The following RAB44 variants were observed in gnomAD, a reference collection of about 807,000 sequenced individuals.
RAB44 encodes RAB44, member RAS oncogene family.
Under a neutral mutation model 93.3 loss-of-function variants are expected in RAB44, and 67 were observed. The ratio of observed to expected loss-of-function variants is 0.72; its 90% CI spans 0.59 to 0.88. RAB44 has a LOEUF of 0.88. Ranked by LOEUF, RAB44 falls within the 40% of genes least tolerant of loss-of-function variation. The probability of loss-of-function intolerance (pLI) is 0.00; values close to 1 mark genes in which losing one functional copy is unlikely to be tolerated. For missense variants in RAB44, 1,064 were observed against 1,261.7 expected (o/e 0.84, Z 2.37); for synonymous variants, 427 against 520.3 (o/e 0.82, Z 2.44).
At chr6:36,704,185 T>C (rs927324491) in intron 1 of RAB44, 39 bp from the exon 2 acceptor site, 11 of 1,497,788 alleles carry the variant, frequency 7.3e-6, no homozygotes, top group Non-Finnish European at 9.0e-6. Context: ...AGGGCGTGAC[T>C]GTCCAGCAGC....
intron 12 of RAB44, 56 bp downstream of exon 12, chr6:36,728,857 G>A: frequency 7.2e-7 from 1 of 1,394,740 alleles, no homozygotes; most frequent in Non-Finnish European, 9.9e-7. Flanking sequence ...ACACCTCCCT[G>A]GCAGGTGGTG....
Position 36,721,291 on chromosome 6 carries a change from A to C in RAB44, c.1157A>C (p.Gln386Pro). ...GGCAGCCCTCCGCACGGAGCCCTGCAGCTCTGCTGGAGCCCGCCCCCGACC... is the reference window on the plus strand; with the variant it reads ...GGCAGCCCTCCGCACGGAGCCCTGCCGCTCTGCTGGAGCCCGCCCCCGACC... ...NFGSPPHGAL[Q>P]LCWSPPPTPR... is the part of the protein sequence containing the mutation. Residue 386 changes from glutamine (Q) to proline (P), a missense_variant, in exon 9 of 14, where the codon CAG (glutamine) becomes CCG (proline). Physicochemically the swap from Gln to Pro is moderately conservative, Grantham distance 76. Coordinates refer to ENST00000612677, the MANE Select transcript of RAB44 (RefSeq NM_001257357.2). 1 of 1,234,204 alleles carries C rather than the reference A, an allele frequency of 8.1e-7. No homozygotes were observed. Among genetic ancestry groups the C allele is most frequent in the Non-Finnish European group, 1.0e-6 (1 of 988,118 alleles). 76.5% of individuals were successfully genotyped at this position (1,234,204 alleles called of 1,614,324 possible). A position where few individuals can be genotyped will look rare whatever the true frequency, so the allele number is the denominator to read the frequency against.
intron 12 of RAB44, among the ~76,000 whole-genome samples, chr6:36,729,423 C>T (rs1763308587): frequency 1.3e-5 from 2 of 152,114 alleles, no homozygotes; most frequent in South Asian, 2.1e-4. Context: ...TCCCACTTCC[C>T]GTAAATTGTG....
At chr6:36,723,632 G>A (rs1368143743) in intron 9 of RAB44, among the ~76,000 whole-genome samples, 9 of 151,778 alleles carry the variant, frequency 5.9e-5, no homozygotes, top group African/African-American at 1.9e-4. Flanking sequence ...TCAGGAGATC[G>A]AGACCATCCC....
rs1762886644 is a variant in RAB44 at position 36,715,243 on chromosome 6, T to C, written c.320-236T>C. 2.0e-5 allele frequency among the ~76,000 whole-genome samples: 3 copies of C among 152,124 alleles called. No individual in the cohort carries two copies. The South Asian group carries it at 6.2e-4, about 32-fold the overall frequency. ...GAATTTGTTCACCACCTTGGAGGTG[T>C]GGTGTGATTTCCAGCAAGTCTTTTG... On this transcript the variant is annotated intron_variant, in intron 3 of 13. Coordinates refer to ENST00000612677, the MANE Select transcript of RAB44 (RefSeq NM_001257357.2).
At chr6:36,705,332 G>C in intron 2 of RAB44, among the ~76,000 whole-genome samples, 1 of 151,824 alleles carries the variant, frequency 6.6e-6, no homozygotes, top group East Asian at 1.9e-4. Context: ...TAAACAATGT[G>C]TTGTGCTAGC....
At position 36,722,617 on chromosome 6, in the gene RAB44, C is replaced by G; in HGVS notation, c.2483C>G (p.Ala828Gly). The G allele has an allele frequency of 6.4e-7, 1 of 1,550,628 alleles. No individual in the cohort carries two copies. Among genetic ancestry groups the G allele is most frequent in the Non-Finnish European group, 8.7e-7 (1 of 1,146,984 alleles). The change falls in exon 9 of 14, where the codon GCC becomes GGC. Residue 828 changes from alanine to glycine, a missense_variant. By Grantham distance (60) the Ala-to-Gly change is moderately conservative. Coordinates refer to ENST00000612677, the MANE Select transcript of RAB44 (RefSeq NM_001257357.2). ...CCCATGGCTGGAGGGGGACCCCAGGCCAACCCTGATTACCTCTTCCATGTC... is the reference window on the plus strand; with the variant it reads ...CCCATGGCTGGAGGGGGACCCCAGGGCAACCCTGATTACCTCTTCCATGTC... ...GDPMAGGGPQ[A>G]NPDYLFHVIF...
rs1358571477 is a variant in RAB44 at position 36,716,654 on chromosome 6, G to A, written c.495-619G>A. ...CCTCACGCTTGGCTCCCGGAGGGTG[G>A]GGCCAGGTGTTGTGAGGCAGGCAGG... is the stretch of plus-strand genomic sequence containing the variant. On this transcript the variant is annotated intron_variant, in intron 4 of 13. Coordinates refer to ENST00000612677, the MANE Select transcript of RAB44 (RefSeq NM_001257357.2). 2.6e-5 allele frequency among the ~76,000 whole-genome samples: 4 copies of A among 152,200 alleles called. No individual in the cohort carries two copies. The East Asian group carries it at 7.7e-4, about 29-fold the overall frequency.
intron 2 of RAB44, among the ~76,000 whole-genome samples, chr6:36,712,097 G>A (rs1762802853): frequency 6.6e-6 from 1 of 152,150 alleles, no homozygotes; most frequent in Admixed American, 6.5e-5. Context: ...GAGGTCAGGG[G>A]TTCGAGACCA....
intron 6 of RAB44, 124 bp from the exon 7 acceptor site, chr6:36,718,369 C>A: frequency 2.1e-6 from 1 of 485,288 alleles, no homozygotes; most frequent in East Asian, 3.5e-5. Flanking sequence ...TCCTGAGAAC[C>A]CTCCCTGCTG....
Position 36,718,621 on chromosome 6 carries a change from C to T in RAB44, c.828+33C>T, listed in dbSNP as rs1298778263. On this transcript the variant is annotated intron_variant, in intron 7 of 13. Coordinates refer to ENST00000612677, the MANE Select transcript of RAB44 (RefSeq NM_001257357.2). ...ATAGGGTTTCCCAGAAACCTACTTC[C>T]GAACAGGTCTTTAATATCTATGAAC... The T allele has an allele frequency of 1.8e-5, 20 of 1,123,730 alleles. No individual in the cohort carries two copies. In the South Asian group the frequency reaches 3.6e-4, roughly 20 times the overall value. The allele number at this position is 1,123,730 out of a possible 1,614,324, so 69.6% of individuals were successfully genotyped here. A position where few individuals can be genotyped will look rare whatever the true frequency, so the allele number is the denominator to read the frequency against.
intron 9 of RAB44, among the ~76,000 whole-genome samples, chr6:36,724,832 G>A (rs1315950192): frequency 6.6e-6 from 1 of 152,110 alleles, no homozygotes; most frequent in East Asian, 1.9e-4. Flanking sequence ...AATACCACAG[G>A]AAATGATCCT....
chr6:36,701,256 C>T (rs1339239372), intron 1 of RAB44, among the ~76,000 whole-genome samples: 1 of 152,140 alleles, frequency 6.6e-6, no homozygotes, highest in African/African-American at 2.4e-5. Context: ...ACTTCAAGCA[C>T]ACGCCACCAT....
At position 36,733,056 on chromosome 6, in the gene RAB44, T is replaced by C. The variant is rs236460; in HGVS notation, c.*963T>C. 0.49 allele frequency: 74,222 copies of C among 152,106 alleles called. 18,256 individuals are homozygous for C. The highest frequency in any genetic ancestry group is 0.52 in the Non-Finnish European group (35,028 of 67,990). The allele number at this position is 152,106 out of a possible 1,614,324, so 9.4% of individuals were successfully genotyped here. ...TGAATGGTGGCTGCCCCTTATCAGC[T>C]AGGGCTGGGGTTTCCAGTGCCCTCG... On this transcript the variant is annotated 3_prime_UTR_variant, in exon 14 of 14. Transcript: ENST00000612677.
At chr6:36,705,713 C>G (rs1762633856) in intron 2 of RAB44, among the ~76,000 whole-genome samples, 2 of 152,042 alleles carry the variant, frequency 1.3e-5, no homozygotes, top group Admixed American at 6.6e-5. Context: ...TAGATAATCT[C>G]CAAAATTTTC....
chr6:36,715,595 GAGA>G lies in RAB44; in HGVS notation c.439_441del (p.Lys147del), dbSNP rs766132961. On this transcript the variant is annotated inframe_deletion, in exon 4 of 14. Transcript: ENST00000612677. ...AGCTCTGGAGGAGGCGGATGCTGAG[GAGA>G]AGGAGGCGTTCCTTGCCTTCATGGA... The G allele has an allele frequency of 6.5e-7, 1 of 1,536,226 alleles. No individual in the cohort carries two copies. Among genetic ancestry groups the G allele is most frequent in the Admixed American group, 2.0e-5 (1 of 51,012 alleles).
intron 2 of RAB44, among the ~76,000 whole-genome samples, chr6:36,706,981 C>A (rs1181118747): frequency 7.2e-5 from 11 of 152,018 alleles, no homozygotes; most frequent in Non-Finnish European, 1.5e-5. Context: ...GTGAGGGGGT[C>A]AGTGAGATTC....
chr6:36,711,459 A>G lies in RAB44; in HGVS notation c.208-2369A>G, dbSNP rs6457943. On this transcript the variant is annotated intron_variant, in intron 2 of 13. Coordinates refer to ENST00000612677, the MANE Select transcript of RAB44 (RefSeq NM_001257357.2). ...TAGCTATTATATGTGTTTTATCAAA[A>G]CAATTATTAAACCAGTCTAATTTGT... Among the ~76,000 whole-genome samples, 720 of 152,356 alleles carry G rather than the reference A, an allele frequency of 4.7e-3. 8 individuals carry two copies. Among genetic ancestry groups the G allele is most frequent in the African/African-American group, 0.017 (691 of 41,596 alleles).
At position 36,722,498 on chromosome 6, in the gene RAB44, C is replaced by A; in HGVS notation, c.2364C>A (p.Gly788=). ...CGACTGCTCACGCAGAAGAACAAGG[C>A]CCGCCTCACTCCAGGGAACCAAGGG... ...SLTTAHAEEQ[G]PPHSREPRAE... is the part of the protein sequence containing the mutation. The change falls in exon 9 of 14, where the codon GGC becomes GGA. Residue 788 remains glycine (G), a synonymous_variant. Coordinates refer to ENST00000612677, the MANE Select transcript of RAB44 (RefSeq NM_001257357.2). The A allele has an allele frequency of 6.7e-7, 1 of 1,493,390 alleles. No homozygotes were observed. The allele number at this position is 1,493,390 out of a possible 1,614,324, so 92.5% of individuals were successfully genotyped here. A position where few individuals can be genotyped will look rare whatever the true frequency, so the allele number is the denominator to read the frequency against.
Sources: allele counts gnomAD v4.1 joint callset (sites outside exome capture counted in the v4.1 genomes callset), GRCh38; gene constraint gnomAD v4.1.1; transcripts MANE v1.5; gene names NCBI Gene and HGNC (gene_info 2026-07-23, HGNC 2026-07-21).